The following TTC28 variants were observed in gnomAD, a reference collection of about 807,000 sequenced individuals.
TTC28 encodes tetratricopeptide repeat domain 28.
Under a neutral mutation model 198.0 loss-of-function variants are expected in TTC28, and 61 were observed. The ratio of observed to expected loss-of-function variants is 0.31; its 90% CI spans 0.25 to 0.38. The LOEUF (loss-of-function observed/expected upper bound fraction) is 0.38. TTC28 is among the 10% of genes least tolerant of loss of function. The pLI is 1.00. For synonymous variants in TTC28, 1,171 were observed against 1,297.8 expected (o/e 0.90, Z 2.10); for missense variants, 2,678 against 3,164.0 (o/e 0.85, Z 3.69).
intron 6 of TTC28, among the ~76,000 whole-genome samples, chr22:28,156,168 C>G (rs1943745014): frequency 6.6e-6 from 1 of 152,134 alleles, no homozygotes; most frequent in Non-Finnish European, 1.5e-5. Flanking sequence ...GTGAATGTTA[C>G]CTTACATGGC....
At chr22:28,223,570 C>A (rs976495965) in intron 5 of TTC28, among the ~76,000 whole-genome samples, 5 of 152,176 alleles carry the variant, frequency 3.3e-5, no homozygotes, top group Non-Finnish European at 5.9e-5. Context: ...TTGGCCACAG[C>A]AGTGGAACAT....
chr22:28,192,575 A>C (rs564194283), intron 5 of TTC28, among the ~76,000 whole-genome samples: 29 of 152,310 alleles, frequency 1.9e-4, no homozygotes, highest in African/African-American at 7.0e-4. Flanking sequence ...AACTAGAATA[A>C]ACAGTGTAGA....
chr22:28,431,640 T>C (rs1569321312), intron 2 of TTC28, among the ~76,000 whole-genome samples: 1 of 152,216 alleles, frequency 6.6e-6, no homozygotes, highest in East Asian at 1.9e-4. Context: ...AGAAATGTAC[T>C]AAGTTTCTCC....
chr22:28,508,861 A>G (rs1156286999), intron 2 of TTC28, among the ~76,000 whole-genome samples: 2 of 152,100 alleles, frequency 1.3e-5, no homozygotes, highest in Non-Finnish European at 2.9e-5. Flanking sequence ...ACCTGAACTC[A>G]GTTCTGGATC....
intron 2 of TTC28, among the ~76,000 whole-genome samples, chr22:28,451,030 T>A (rs2047771136): frequency 6.6e-6 from 1 of 152,176 alleles, no homozygotes; most frequent in South Asian, 2.1e-4. Context: ...GCTAGAACAT[T>A]CAGAGTACAG....
At chr22:28,271,672 T>C (rs937447328) in intron 5 of TTC28, among the ~76,000 whole-genome samples, 1 of 152,156 alleles carries the variant, frequency 6.6e-6, no homozygotes, top group African/African-American at 2.4e-5. Flanking sequence ...TGGCATGATC[T>C]CGGCTCACTG....
At chr22:28,535,862 C>T (rs188935295) in intron 2 of TTC28, among the ~76,000 whole-genome samples, 3 of 152,128 alleles carry the variant, frequency 2.0e-5, no homozygotes, top group Admixed American at 6.5e-5. Flanking sequence ...GGAGCAGAAG[C>T]CTATACAGCC....
At chr22:28,490,214 C>T (rs2048357237) in intron 2 of TTC28, among the ~76,000 whole-genome samples, 1 of 152,214 alleles carries the variant, frequency 6.6e-6, no homozygotes, top group Non-Finnish European at 1.5e-5. Context: ...CAATACTTCA[C>T]ATCCTTCAAT....
Position 27,982,247 on chromosome 22 carries a change from T to C in TTC28, c.7420A>G (p.Arg2474Gly). 6.8e-7 allele frequency: 1 copy of C among 1,467,158 alleles called. No homozygotes were observed. The highest frequency in any genetic ancestry group is 9.0e-7 in the Non-Finnish European group (1 of 1,109,008). The allele number at this position is 1,467,158 out of a possible 1,614,324, so 90.9% of individuals were successfully genotyped here. A position where few individuals can be genotyped will look rare whatever the true frequency, so the allele number is the denominator to read the frequency against. The change falls in exon 23 of 23, where the codon AGA becomes GGA. Residue 2474 changes from arginine to glycine, a missense_variant. Arg to Gly is a moderately radical substitution (Grantham distance 125). Around this residue, in one of 8 missense-constraint regions of TTC28, gnomAD observed 622 missense variants for 656.0 expected, o/e 0.95. Coordinates refer to ENST00000397906, the MANE Select transcript of TTC28 (RefSeq NM_001145418.2). The surrounding 1 kb of genome is among the most constrained non-coding windows in gnomAD (Gnocchi z 5.2). ...GNGYKFLSPG[R>G]FFPSSKC ...TAGCATTTGGAAGAAGGGAAAAATCTTCCTGGAGACAGGAACTTGTAGCCA... is the reference window on the plus strand; with the variant it reads ...TAGCATTTGGAAGAAGGGAAAAATCCTCCTGGAGACAGGAACTTGTAGCCA...
intron 5 of TTC28, among the ~76,000 whole-genome samples, chr22:28,249,780 A>G (rs1015147171): frequency 1.1e-4 from 16 of 152,330 alleles, no homozygotes; most frequent in Non-Finnish European, 1.9e-4. Flanking sequence ...GAGAGGATGG[A>G]TGTGTTTCCA....
intron 2 of TTC28, among the ~76,000 whole-genome samples, chr22:28,403,728 C>T (rs1395479684): frequency 6.6e-6 from 1 of 152,172 alleles, no homozygotes; most frequent in Non-Finnish European, 1.5e-5. Context: ...TTGTCTGCTT[C>T]ACGTATAACA....
At chr22:28,323,718 C>T (rs1282961413) in intron 2 of TTC28, among the ~76,000 whole-genome samples, 1 of 152,046 alleles carries the variant, frequency 6.6e-6, no homozygotes, top group Non-Finnish European at 1.5e-5. Context: ...GAGAAAATAA[C>T]AGAATTTTGC....
chr22:28,427,828 G>A (rs1050916248), intron 2 of TTC28, among the ~76,000 whole-genome samples: 1 of 150,566 alleles, frequency 6.6e-6, no homozygotes, highest in Non-Finnish European at 1.5e-5. Flanking sequence ...AAATTAAGTC[G>A]AATAAAGGTA....
chr22:28,674,546 G>A (rs2051947548), intron 1 of TTC28, among the ~76,000 whole-genome samples: 1 of 152,104 alleles, frequency 6.6e-6, no homozygotes, highest in Non-Finnish European at 1.5e-5. Context: ...GTTGGCTGGA[G>A]CAGTGGCTCA....
chr22:28,036,696 T>TA (rs1939368272), intron 12 of TTC28, among the ~76,000 whole-genome samples: 1 of 151,938 alleles, frequency 6.6e-6, no homozygotes, highest in Non-Finnish European at 1.5e-5. Flanking sequence ...GATAGAGACA[T>TA]AAAAAACCCT....
chr22:28,603,061 A>G (rs1421925155), intron 2 of TTC28, among the ~76,000 whole-genome samples: 1 of 151,954 alleles, frequency 6.6e-6, no homozygotes, highest in Admixed American at 6.6e-5. Flanking sequence ...TTGTATTTTT[A>G]GTAGAGACGG....
chr22:28,293,489 G>A (rs901617188), intron 5 of TTC28, among the ~76,000 whole-genome samples: 2 of 152,008 alleles, frequency 1.3e-5, no homozygotes, highest in South Asian at 4.1e-4. Context: ...GGAATGGGGA[G>A]ATGTTGGTTA....
intron 6 of TTC28, among the ~76,000 whole-genome samples, chr22:28,142,407 T>C (rs976831183): frequency 1.3e-5 from 2 of 152,252 alleles, no homozygotes; most frequent in Non-Finnish European, 2.9e-5. Context: ...AGACCTATTT[T>C]GTGTTTTTAT....
intron 12 of TTC28, among the ~76,000 whole-genome samples, chr22:28,050,939 G>GAGGATT (rs1468086146): frequency 2.6e-5 from 4 of 152,140 alleles, no homozygotes; most frequent in African/African-American, 9.7e-5. Context: ...GTGTGTGGTA[G>GAGGATT]CTTTATTTAT....
Sources: gnomAD v4.1 joint callset for allele counts (sites outside exome capture counted in the v4.1 genomes callset) on GRCh38, gnomAD v4.1.1 for gene constraint, gnomAD v4.1.1 regional missense constraint, Gnocchi (gnomAD v3.1) non-coding constraint, MANE v1.5 for transcripts, NCBI Gene and HGNC (gene_info 2026-07-23, HGNC 2026-07-21) for gene names.